Variants in TENM2 observed in about 807,000 individuals in gnomAD.
TENM2 encodes the protein teneurin transmembrane protein 2, also known as teneurin-2.
In TENM2, 52 loss-of-function variants were observed where a neutral mutation model predicts 245.2. That is an observed-to-expected ratio of 0.21 (90% CI 0.17 to 0.27). TENM2 has a LOEUF of 0.27. TENM2 is among the 10% of genes least tolerant of loss of function. The probability of loss-of-function intolerance (pLI) is 1.00; values close to 1 mark genes in which losing one functional copy is unlikely to be tolerated. For synonymous variants in TENM2, 1,363 were observed against 1,438.9 expected (o/e 0.95, Z 1.19); for missense variants, 3,046 against 3,666.8 (o/e 0.83, Z 4.37).
the TENM2 span, among the ~76,000 whole-genome samples, chr5:167,207,821 C>T: frequency 0.17 from 25,560 of 152,130 alleles, 2,295 homozygotes; most frequent in South Asian, 0.21. Flanking sequence ...TGGTACGATG[C>T]TGACTCACTG....
Position 168,247,551 on chromosome 5 carries a change from C to G in TENM2, c.6612C>G (p.Asp2204Glu). 6.2e-7 allele frequency: 1 copy of G among 1,613,000 alleles called. No homozygotes were observed. Among genetic ancestry groups the G allele is most frequent in the South Asian group, 1.1e-5 (1 of 91,058 alleles). Residue 2204 changes from aspartate (D) to glutamate (E), a missense_variant, in exon 27 of 29, where the codon GAC becomes GAG. By Grantham distance (45) the Asp-to-Glu change is conservative. Coordinates refer to ENST00000518659, the Ensembl canonical transcript of TENM2. The surrounding 1 kb of genome is among the most constrained non-coding windows in gnomAD (Gnocchi z 7.8). ...CCAATACCACGAAGTACACCTATGA[C>G]TACGATGGGGACGGGCAGCTCCAGA...
chr5:167,091,485 T>A, the TENM2 span, among the ~76,000 whole-genome samples: 3 of 152,290 alleles, frequency 2.0e-5, no homozygotes, highest in Admixed American at 2.0e-4. Flanking sequence ...ATTGTAGGCA[T>A]ATATATAGTC....
At chr5:167,151,808 C>T in the TENM2 span, among the ~76,000 whole-genome samples, 4 of 152,158 alleles carry the variant, frequency 2.6e-5, no homozygotes, top group Non-Finnish European at 4.4e-5. Context: ...TGAGCCACCG[C>T]GCCTGGCCTG....
the TENM2 span, among the ~76,000 whole-genome samples, chr5:167,145,844 T>C: frequency 2.0e-5 from 3 of 152,176 alleles, no homozygotes; most frequent in African/African-American, 7.2e-5. Context: ...CATGTTCCCC[T>C]TCAGCACCGC....
chr5:167,590,781 TG>T (rs1324712600), intron 2 of TENM2, among the ~76,000 whole-genome samples: 3 of 152,168 alleles, frequency 2.0e-5, no homozygotes, highest in Non-Finnish European at 4.4e-5. Context: ...TTTGAATATG[TG>T]GGTTTTGTGT....
chr5:167,737,557 C>T (rs183011649), intron 2 of TENM2, among the ~76,000 whole-genome samples: 72 of 152,252 alleles, frequency 4.7e-4, no homozygotes, highest in Admixed American at 9.2e-4. Flanking sequence ...AATGTGTACC[C>T]GCTGAGGGTC....
At chr5:167,584,882 T>C (rs757231131) in intron 2 of TENM2, among the ~76,000 whole-genome samples, 1 of 151,908 alleles carries the variant, frequency 6.6e-6, no homozygotes. Flanking sequence ...TTTAGTAGAT[T>C]TGGGGCTACA....
chr5:168,171,819 T>A (rs1758860421), intron 13 of TENM2, among the ~76,000 whole-genome samples: 1 of 152,212 alleles, frequency 6.6e-6, no homozygotes, highest in Non-Finnish European at 1.5e-5. Flanking sequence ...AATTAAAGGA[T>A]GAAAACGCAG....
At chr5:167,047,008 T>C in the TENM2 span, among the ~76,000 whole-genome samples, 3 of 152,190 alleles carry the variant, frequency 2.0e-5, no homozygotes, top group Non-Finnish European at 4.4e-5. Context: ...TCCAGCTTCA[T>C]CCATGTCCCT....
At chr5:167,252,311 G>C in the TENM2 span, among the ~76,000 whole-genome samples, 1 of 152,164 alleles carries the variant, frequency 6.6e-6, no homozygotes, top group African/African-American at 2.4e-5. Flanking sequence ...TATTAGTATA[G>C]TTCAATAAGT....
Position 167,409,267 on chromosome 5 carries a change from T to A in TENM2, c.502+33794T>A, listed in dbSNP as rs535213410. Among the ~76,000 whole-genome samples the A allele has an allele frequency of 2.4e-4, 36 of 152,012 alleles. No individual in the cohort carries two copies. In the South Asian group the frequency reaches 7.3e-3, roughly 31 times the overall value. ...AATAGTTGTGTGCAGTGAAAAAGGG[T>A]GTAATATTAACTAAAGACTAGAGTT... On this transcript the variant is annotated intron_variant, in intron 2 of 28. Coordinates refer to ENST00000518659, the Ensembl canonical transcript of TENM2.
upstream of TENM2, among the ~76,000 whole-genome samples, chr5:167,283,215 T>A (rs1275969351): frequency 6.6e-6 from 1 of 151,914 alleles, no homozygotes; most frequent in Non-Finnish European, 1.5e-5. Flanking sequence ...AGCGAATTTT[T>A]TTTTTGTATT....
intron 6 of TENM2, among the ~76,000 whole-genome samples, chr5:168,052,453 T>TAC (rs1368988404): frequency 4.0e-4 from 61 of 151,622 alleles, no homozygotes; most frequent in South Asian, 1.2e-3. Flanking sequence ...TATATATATA[T>TAC]ACACACACAC....
chr5:167,723,035 T>C (rs993295743), intron 2 of TENM2, among the ~76,000 whole-genome samples: 10 of 152,206 alleles, frequency 6.6e-5, no homozygotes, highest in African/African-American at 2.4e-4. Flanking sequence ...TTATAACCAC[T>C]ATGTCTGTCA....
At chr5:167,227,641 G>A in the TENM2 span, among the ~76,000 whole-genome samples, 12 of 152,064 alleles carry the variant, frequency 7.9e-5, no homozygotes, top group South Asian at 4.1e-4. Context: ...TCTGATGGGC[G>A]TTTCTTTATA....
chr5:168,027,599 G>C (rs1786740330), intron 5 of TENM2, among the ~76,000 whole-genome samples: 1 of 152,040 alleles, frequency 6.6e-6, no homozygotes, highest in South Asian at 2.1e-4. Flanking sequence ...GTTCTTTTAT[G>C]GATGCTTGGT....
chr5:167,916,254 A>G (rs1017211314), intron 3 of TENM2, among the ~76,000 whole-genome samples: 4 of 152,062 alleles, frequency 2.6e-5, no homozygotes, highest in Non-Finnish European at 4.4e-5. Context: ...TATTCTTTCT[A>G]TCCTGGATGT....
the TENM2 span, among the ~76,000 whole-genome samples, chr5:166,996,986 ATATAT>A: frequency 6.6e-6 from 1 of 152,200 alleles, no homozygotes; most frequent in Non-Finnish European, 1.5e-5. Flanking sequence ...TTATTAGGGC[ATATAT>A]TACTAGTCTT....
the TENM2 span, among the ~76,000 whole-genome samples, chr5:167,085,915 T>C: frequency 6.6e-6 from 1 of 152,206 alleles, no homozygotes; most frequent in Admixed American, 6.5e-5. Flanking sequence ...CGGCGATCAC[T>C]ACTCTTGTAT....
Sources: gnomAD v4.1 joint callset for allele counts (sites outside exome capture counted in the v4.1 genomes callset) on GRCh38, gnomAD v4.1.1 for gene constraint, Gnocchi (gnomAD v3.1) non-coding constraint, MANE v1.5 for transcripts, NCBI Gene and HGNC (gene_info 2026-07-23, HGNC 2026-07-21) for gene names.